SEMA6D: variants seen among roughly 807,000 people sequenced by gnomAD.
SEMA6D encodes semaphorin-6D.
A neutral mutation model predicts 106.6 loss-of-function variants in SEMA6D; 35 were observed. The ratio of observed to expected loss-of-function variants is 0.33; its 90% CI spans 0.25 to 0.44. The LOEUF (loss-of-function observed/expected upper bound fraction) is 0.44, where lower values mean the gene tolerates loss of function less well. Ranked by LOEUF, SEMA6D falls within the 20% of genes least tolerant of loss-of-function variation. The pLI is 1.00. For missense variants in SEMA6D, 1,185 were observed against 1,345.9 expected (o/e 0.88, Z 1.87); for synonymous variants, 499 against 487.7 (o/e 1.02, Z -0.31).
chr15:47,461,995 T>G (rs192031353), intron 2 of SEMA6D, among the ~76,000 whole-genome samples: 44 of 152,186 alleles, frequency 2.9e-4, no homozygotes, highest in African/African-American at 8.4e-4. Context: ...ACTGAATATT[T>G]CATAAAGTTA....
intron 3 of SEMA6D, among the ~76,000 whole-genome samples, chr15:47,547,911 A>T (rs567304130): frequency 6.6e-6 from 1 of 152,286 alleles, no homozygotes; most frequent in East Asian, 1.9e-4. Context: ...TCTCACCAAC[A>T]TTCATCCTAA....
rs921527253 is a variant in SEMA6D, at chr15:47,770,519, T to G, written c.1956T>G (p.Ser652=). The change falls in exon 19 of 19, where the codon TCT becomes TCG. Residue 652 remains serine (S), a synonymous_variant. Coordinates refer to ENST00000536845, the MANE Select transcript of SEMA6D (RefSeq NM_001358351.3). ...IPKGVRWEVQ[S]GESNQMVHMN... The stretch of plus-strand genomic sequence containing the variant: ...CAGGTGTACGATGGGAAGTCCAGTC[T>G]GGAGAGTCCAACCAGATGGTCCACA... 9 of 1,602,344 alleles carry G rather than the reference T, an allele frequency of 5.6e-6. No individual in the cohort carries two copies. The East Asian group carries it at 2.0e-4, about 36-fold the overall frequency.
At chr15:47,634,813 C>T (rs1197625183) in intron 4 of SEMA6D, among the ~76,000 whole-genome samples, 1 of 71,068 alleles carries the variant, frequency 1.4e-5, no homozygotes, top group Non-Finnish European at 2.6e-5. Context: ...CCTGCTTCTT[C>T]GGGGGTGGGG....
At chr15:47,322,987 T>C (rs1401574815) in intron 1 of SEMA6D, among the ~76,000 whole-genome samples, 1 of 152,232 alleles carries the variant, frequency 6.6e-6, no homozygotes, top group Non-Finnish European at 1.5e-5. Context: ...TCCATCTATG[T>C]ATCTACCTAC....
At chr15:47,215,447 A>T (rs2030490439) in intron 1 of SEMA6D, among the ~76,000 whole-genome samples, 1 of 152,170 alleles carries the variant, frequency 6.6e-6, no homozygotes, top group Admixed American at 6.6e-5. Context: ...TGTGTTTTAA[A>T]TGAGTAACAC....
chr15:47,573,447 C>G (rs960200148), intron 3 of SEMA6D, among the ~76,000 whole-genome samples: 1 of 152,202 alleles, frequency 6.6e-6, no homozygotes, highest in Non-Finnish European at 1.5e-5. Context: ...GAATTAAATA[C>G]TGATCTTATA....
chr15:47,232,081 T>C (rs1198433982), intron 1 of SEMA6D, among the ~76,000 whole-genome samples: 1 of 151,976 alleles, frequency 6.6e-6, no homozygotes, highest in East Asian at 1.9e-4. Flanking sequence ...TTTTTGGAGA[T>C]TTTATTTAAA....
intron 4 of SEMA6D, among the ~76,000 whole-genome samples, chr15:47,684,907 G>T (rs906745913): frequency 5.3e-5 from 8 of 152,150 alleles, no homozygotes; most frequent in African/African-American, 1.9e-4. Flanking sequence ...CAGGCTCAAT[G>T]CCAAATACCA....
intron 1 of SEMA6D, among the ~76,000 whole-genome samples, chr15:47,334,314 C>T (rs551639354): frequency 6.6e-5 from 10 of 152,284 alleles, no homozygotes; most frequent in African/African-American, 2.4e-4. Flanking sequence ...CTGTGAGCCA[C>T]TCCAGCAAAT....
chr15:47,589,787 G>A (rs551143671), intron 3 of SEMA6D, among the ~76,000 whole-genome samples: 2 of 152,370 alleles, frequency 1.3e-5, no homozygotes, highest in South Asian at 4.1e-4. Context: ...AGCAGCATCA[G>A]TAGAGTGTGT....
intron 10 of SEMA6D, 47 bp downstream of exon 10, chr15:47,764,114 T>C: frequency 3.7e-6 from 6 of 1,612,986 alleles, no homozygotes; most frequent in Non-Finnish European, 4.2e-6. Flanking sequence ...TGCATGCCTG[T>C]CAGAACCAAG....
At chr15:47,420,418 G>C (rs2041114996) in intron 2 of SEMA6D, among the ~76,000 whole-genome samples, 9 of 151,750 alleles carry the variant, frequency 5.9e-5, no homozygotes, top group Admixed American at 5.9e-4. Context: ...TCTACTCCTT[G>C]ATGCTGTGAA....
Position 47,508,282 on chromosome 15 carries a change from C to T in SEMA6D, c.-87+37737C>T, listed in dbSNP as rs375341138. On this transcript the variant is annotated intron_variant, in intron 3 of 19. Transcript: ENST00000558014. ...ATGAATGTGTTTTTAAGATATTTTT[C>T]CCCAAAAAACGATATAAAAGCCCTC... Among the ~76,000 whole-genome samples, 20 of 152,128 alleles carry T rather than the reference C, an allele frequency of 1.3e-4. No individual in the cohort carries two copies. In the East Asian group the frequency reaches 1.5e-3, roughly 12 times the overall value.
At chr15:47,370,191 T>A (rs2039217148) in intron 1 of SEMA6D, among the ~76,000 whole-genome samples, 1 of 152,118 alleles carries the variant, frequency 6.6e-6, no homozygotes, top group Non-Finnish European at 1.5e-5. Flanking sequence ...GCTTGTCAGG[T>A]TTATGATGAG....
chr15:47,305,126 T>A (rs1024834596), intron 1 of SEMA6D, among the ~76,000 whole-genome samples: 21 of 152,198 alleles, frequency 1.4e-4, no homozygotes, highest in Admixed American at 1.4e-3. Flanking sequence ...TAAATCAAAT[T>A]ATCTAAGAGT....
At chr15:47,326,203 A>T (rs1271383371) in intron 1 of SEMA6D, among the ~76,000 whole-genome samples, 1 of 152,200 alleles carries the variant, frequency 6.6e-6, no homozygotes, top group East Asian at 1.9e-4. Flanking sequence ...ACTGGAACTC[A>T]ATTCTTTCAC....
chr15:47,298,452 A>G (rs1045568065), intron 1 of SEMA6D, among the ~76,000 whole-genome samples: 7 of 152,322 alleles, frequency 4.6e-5, no homozygotes, highest in Non-Finnish European at 8.8e-5. Flanking sequence ...CCTACAGGAA[A>G]CAACTGTTTG....
chr15:47,667,486 G>A (rs2078050483), intron 4 of SEMA6D, among the ~76,000 whole-genome samples: 1 of 152,150 alleles, frequency 6.6e-6, no homozygotes, highest in East Asian at 1.9e-4. Context: ...TCCCCTCTGC[G>A]GTATTCCCAT....
chr15:47,435,214 A>G (rs1006898717), intron 2 of SEMA6D, among the ~76,000 whole-genome samples: 3 of 152,022 alleles, frequency 2.0e-5, no homozygotes, highest in Admixed American at 1.3e-4. Context: ...ATTTTTTTGA[A>G]TGGAGAAGGA....
Sources: gnomAD v4.1 joint callset for allele counts (sites outside exome capture counted in the v4.1 genomes callset) on GRCh38, gnomAD v4.1.1 for gene constraint, MANE v1.5 for transcripts, NCBI Gene and HGNC (gene_info 2026-07-23, HGNC 2026-07-21) for gene names.